Variants in ARIH1 observed in about 807,000 individuals in gnomAD.
ARIH1 encodes ariadne RBR E3 ubiquitin protein ligase 1, also known as E3 ubiquitin-protein ligase ARIH1.
A neutral mutation model predicts 85.0 loss-of-function variants in ARIH1; 8 were observed. That is an observed-to-expected ratio of 0.09 (90% CI 0.06 to 0.17). The LOEUF (loss-of-function observed/expected upper bound fraction) is 0.17, where lower values mean the gene tolerates loss of function less well. ARIH1 is among the 10% of genes least tolerant of loss of function. The pLI, the probability that ARIH1 is intolerant of heterozygous loss-of-function variation, is 1.00. For missense variants in ARIH1, 311 were observed against 718.1 expected, an observed-to-expected ratio of 0.43 and a Z score of 6.48; for synonymous variants, 238 against 253.6, an observed-to-expected ratio of 0.94 and a Z score of 0.59.
chr15:72,513,494 AAC>A (rs774309334), intron 1 of ARIH1, among the ~76,000 whole-genome samples: 1 of 152,030 alleles, frequency 6.6e-6, no homozygotes, highest in Non-Finnish European at 1.5e-5. Flanking sequence ...TTTTTATTTC[AAC>A]AGTTTTATAA....
chr15:72,544,500 C>T (rs1207738222), intron 2 of ARIH1, among the ~76,000 whole-genome samples: 1 of 151,624 alleles, frequency 6.6e-6, no homozygotes, highest in East Asian at 1.9e-4. Flanking sequence ...TTATTTAAAA[C>T]CAAAGTTTAG....
Position 72,574,911 on chromosome 15 carries a change from G to A in ARIH1, c.1215+2746G>A, listed in dbSNP as rs1418670395. Among the ~76,000 whole-genome samples, 337 of 61,078 alleles carry A rather than the reference G, an allele frequency of 5.5e-3. 3 individuals are homozygous for A. Among genetic ancestry groups the A allele is most frequent in the African/African-American group, 0.019 (321 of 17,044 alleles). The allele number at this position is 61,078 out of a possible 152,430, so 40.1% of individuals were successfully genotyped here. On this transcript the variant is annotated intron_variant, in intron 11 of 13. Coordinates refer to ENST00000379887, the MANE Select transcript of ARIH1 (RefSeq NM_005744.5). Reference sequence around the variant, plus strand: ...ATAGTAAGACCCCCCCGCCGCCCCCGCCCATCTCTACAAAAAAAAAACAAA... The same window carrying A: ...ATAGTAAGACCCCCCCGCCGCCCCCACCCATCTCTACAAAAAAAAAACAAA...
chr15:72,501,002 C>T (rs1224469074), intron 1 of ARIH1, among the ~76,000 whole-genome samples: 1 of 152,150 alleles, frequency 6.6e-6, no homozygotes, highest in Non-Finnish European at 1.5e-5. Context: ...TAGACGTGTT[C>T]TTAGACCAAA....
At chr15:72,556,014 A>G (rs1304147883) in intron 5 of ARIH1, 107 bp downstream of exon 5, 5 of 959,876 alleles carry the variant, frequency 5.2e-6, no homozygotes, top group Non-Finnish European at 7.9e-6. Flanking sequence ...AAGTCTGAAG[A>G]AACTTTTTAA....
chr15:72,545,752 C>T (rs372133335), intron 3 of ARIH1, among the ~76,000 whole-genome samples: 2 of 152,342 alleles, frequency 1.3e-5, no homozygotes, highest in East Asian at 1.9e-4. Flanking sequence ...TTGCTTGAGC[C>T]TGGAAGGCAG....
rs1302976892 is a variant in ARIH1, at chr15:72,591,327, A to G, written c.*8035A>G. ...AGCTTTTTAGGCTGAAAACGTTTCT[A>G]TAGATTTTGGATTTCCTTCTGATAG... is the stretch of plus-strand genomic sequence containing the variant. On this transcript the variant is annotated 3_prime_UTR_variant, in exon 14 of 14. Transcript: ENST00000379887. 6.6e-6 allele frequency: 1 copy of G among 151,912 alleles called. No homozygotes were observed. The highest frequency in any genetic ancestry group is 1.5e-5 in the Non-Finnish European group (1 of 68,000). The allele number at this position is 151,912 out of a possible 1,614,324, so 9.4% of individuals were successfully genotyped here. A position where few individuals can be genotyped will look rare whatever the true frequency, so the allele number is the denominator to read the frequency against.
chr15:72,474,481 A>T lies in ARIH1; in HGVS notation c.-159A>T. The T allele has an allele frequency of 9.8e-7, 1 of 1,020,846 alleles. No homozygotes were observed. Among genetic ancestry groups the T allele is most frequent in the Middle Eastern group, 3.2e-4 (1 of 3,158 alleles). 63.2% of individuals were successfully genotyped at this position (1,020,846 alleles called of 1,614,324 possible). The stretch of plus-strand genomic sequence containing the variant: ...CCCTCCCCGCCGCCACCAGCCGTCA[A>T]ACGCCAACCGCCGCTCCTGGGGAGG... On this transcript the variant is annotated 5_prime_UTR_variant, in exon 1 of 14. Transcript: ENST00000379887.
intron 5 of ARIH1, 134 bp from the exon 6 acceptor site, chr15:72,561,349 G>A (rs2064196663): frequency 1.5e-6 from 1 of 652,210 alleles, no homozygotes; most frequent in Non-Finnish European, 2.7e-6. Context: ...GATAGCCTAT[G>A]TGCATTTCAG....
At chr15:72,518,776 G>A (rs1162672124) in intron 2 of ARIH1, among the ~76,000 whole-genome samples, 2 of 140,940 alleles carry the variant, frequency 1.4e-5, no homozygotes. Context: ...AACAGAGCGA[G>A]ACTCTATCTC....
intron 6 of ARIH1, among the ~76,000 whole-genome samples, chr15:72,562,274 A>T (rs2140432413): frequency 6.6e-6 from 1 of 152,314 alleles, no homozygotes; most frequent in African/African-American, 2.4e-5. Flanking sequence ...CTTTTGTGCT[A>T]CAGTGGCAGA....
intron 11 of ARIH1, among the ~76,000 whole-genome samples, chr15:72,579,080 A>G (rs907724335): frequency 2.0e-5 from 3 of 152,046 alleles, no homozygotes; most frequent in African/African-American, 7.2e-5. Context: ...CACCACACCC[A>G]GCCTATCTTA....
chr15:72,559,538 T>C (rs2064189110), intron 5 of ARIH1, among the ~76,000 whole-genome samples: 1 of 152,178 alleles, frequency 6.6e-6, no homozygotes, highest in African/African-American at 2.4e-5. Context: ...CCCAAAGTGC[T>C]AAGATTACGG....
chr15:72,475,005 G>A lies in ARIH1; in HGVS notation c.366G>A (p.Glu122=), dbSNP rs770477644. The part of the protein sequence containing the change: ...HMVECIREVN[E]VIQNPATITR... The stretch of plus-strand genomic sequence containing the variant: ...TGGAATGTATCCGGGAGGTCAACGA[G>A]GTCATCCAGGTGAGGGTGGCCGCCG... The change falls in exon 1 of 14, where the codon GAG becomes GAA. Residue 122 remains glutamate (E), a synonymous_variant. Coordinates refer to ENST00000379887, the MANE Select transcript of ARIH1 (RefSeq NM_005744.5). The A allele has an allele frequency of 2.1e-5, 33 of 1,555,628 alleles. No homozygotes were observed. Among genetic ancestry groups the A allele is most frequent in the Admixed American group, 5.9e-5 (3 of 51,224 alleles).
At chr15:72,546,518 C>T (rs2064129602) in intron 3 of ARIH1, among the ~76,000 whole-genome samples, 1 of 151,944 alleles carries the variant, frequency 6.6e-6, no homozygotes, top group Non-Finnish European at 1.5e-5. Flanking sequence ...TTGAGACGGC[C>T]TTGCTCTGTT....
intron 11 of ARIH1, among the ~76,000 whole-genome samples, chr15:72,578,158 G>A: frequency 1.3e-5 from 2 of 152,190 alleles, no homozygotes; most frequent in Middle Eastern, 6.8e-3. Context: ...CACCTTCCAC[G>A]TTTTCTTTGC....
intron 11 of ARIH1, among the ~76,000 whole-genome samples, chr15:72,576,415 A>G (rs1040799164): frequency 3.4e-5 from 5 of 145,208 alleles, no homozygotes; most frequent in Non-Finnish European, 7.5e-5. Context: ...CTGAGGCAGG[A>G]GAATGGCATG....
rs2140440917 is a variant in ARIH1 at position 72,582,695 on chromosome 15, T to C, written c.1589+508T>C. ...ATGCAAAATGTTTTATTTCTCAACA[T>C]GAAGCTCTTTCTCCCAAAGTGACAA... On this transcript the variant is annotated intron_variant, in intron 13 of 13. Transcript: ENST00000379887. This position sits in a 1 kb window ranked among gnomAD's most constrained non-coding sequence, Gnocchi z 4.6. 6.6e-6 allele frequency among the ~76,000 whole-genome samples: 1 copy of C among 151,406 alleles called. No homozygotes were observed. The highest frequency in any genetic ancestry group is 1.5e-5 in the Non-Finnish European group (1 of 67,874).
At position 72,567,189 on chromosome 15, in the gene ARIH1, C is replaced by T. The variant is rs755127751; in HGVS notation, c.1026+12C>T. 6.3e-7 allele frequency: 1 copy of T among 1,598,938 alleles called. No individual in the cohort carries two copies. Among genetic ancestry groups the T allele is most frequent in the South Asian group, 1.1e-5 (1 of 89,758 alleles). ...CAGCCAACACAAAGGTTGGTGTTTT[C>T]CTTCAGTAACTCTTGGTAATAAAAA... is the stretch of plus-strand genomic sequence containing the variant. On this transcript the variant is annotated intron_variant, in intron 9 of 13. Transcript: ENST00000379887.
intron 11 of ARIH1, among the ~76,000 whole-genome samples, chr15:72,578,689 AC>A (rs1337949737): frequency 1.3e-5 from 2 of 152,212 alleles, no homozygotes; most frequent in Admixed American, 6.5e-5. Context: ...AAGTAGACTT[AC>A]AGTTTAATCC....
Sources: allele counts gnomAD v4.1 joint callset (sites outside exome capture counted in the v4.1 genomes callset), GRCh38; gene constraint gnomAD v4.1.1; non-coding constraint Gnocchi (gnomAD v3.1); transcripts MANE v1.5; gene names NCBI Gene and HGNC (gene_info 2026-07-23, HGNC 2026-07-21).